NBEAL1: variants seen among roughly 807,000 people sequenced by gnomAD.
NBEAL1 encodes neurobeachin like 1.
A neutral mutation model predicts 351.3 loss-of-function variants in NBEAL1; 273 were observed. The ratio of observed to expected loss-of-function variants is 0.78; its 90% CI spans 0.70 to 0.86. The LOEUF is 0.86. NBEAL1 is among the 40% of genes least tolerant of loss of function. NBEAL1 has a pLI of 0.00. For missense variants in NBEAL1, 2,961 were observed against 3,201.3 expected (o/e 0.92, Z 1.81); for synonymous variants, 1,050 against 1,086.4 (o/e 0.97, Z 0.66).
chr2:203,167,792 T>C (rs1048654932), intron 38 of NBEAL1, among the ~76,000 whole-genome samples: 2 of 152,202 alleles, frequency 1.3e-5, no homozygotes, highest in Non-Finnish European at 2.9e-5. Flanking sequence ...TCTCCACCAG[T>C]AGCTGTGTAA....
At chr2:203,167,881 TAC>T (rs1398782488) in intron 38 of NBEAL1, among the ~76,000 whole-genome samples, 1 of 152,192 alleles carries the variant, frequency 6.6e-6, no homozygotes, top group Non-Finnish European at 1.5e-5. Context: ...CAGGTATTAT[TAC>T]AGTTTGACAG....
intron 2 of NBEAL1, among the ~76,000 whole-genome samples, chr2:203,037,821 G>A (rs2061063878): frequency 6.7e-6 from 1 of 148,946 alleles, no homozygotes. Context: ...AAAAAATACA[G>A]CATGATAGCT....
chr2:203,060,445 A>G (rs1171734979), intron 6 of NBEAL1, among the ~76,000 whole-genome samples: 1 of 152,176 alleles, frequency 6.6e-6, no homozygotes, highest in Non-Finnish European at 1.5e-5. Context: ...ATATTAACAA[A>G]AACACATTTT....
chr2:203,176,690 C>T (rs922087755), intron 42 of NBEAL1, among the ~76,000 whole-genome samples: 2 of 150,236 alleles, frequency 1.3e-5, no homozygotes, highest in Non-Finnish European at 3.0e-5. Context: ...TGAGATTGTG[C>T]CACTGCACTC....
chr2:203,198,899 TAAAC>T (rs2065312832), intron 48 of NBEAL1, among the ~76,000 whole-genome samples: 1 of 149,948 alleles, frequency 6.7e-6, no homozygotes, highest in Non-Finnish European at 1.5e-5. Context: ...TACAATAAGA[TAAAC>T]AAGGCCAGGT....
Position 203,037,904 on chromosome 2 carries a change from G to A in NBEAL1, c.52-3861G>A, listed in dbSNP as rs1187044716. Among the ~76,000 whole-genome samples the A allele has an allele frequency of 3.4e-5, 5 of 149,184 alleles. 1 individual carries two copies. The highest frequency in any genetic ancestry group is 6.8e-5 in the Admixed American group (1 of 14,788). On this transcript the variant is annotated intron_variant, in intron 2 of 55. Transcript: ENST00000683969. ...CAGGAGTTTGAGGCCATAGTGAACC[G>A]TGATTGTGCCACTGCACTCCGGCCT...
chr2:203,161,363 G>A (rs2063952975), intron 36 of NBEAL1, among the ~76,000 whole-genome samples: 1 of 150,430 alleles, frequency 6.6e-6, no homozygotes, highest in African/African-American at 2.4e-5. Flanking sequence ...AGGCGTGGTG[G>A]TTCACGCCTG....
chr2:203,167,746 A>G (rs568921259), intron 38 of NBEAL1, among the ~76,000 whole-genome samples: 1 of 152,316 alleles, frequency 6.6e-6, no homozygotes, highest in East Asian at 1.9e-4. Context: ...TTAAGTGCAT[A>G]TGCTCTAAAG....
intron 6 of NBEAL1, chr2:203,061,973 G>A (rs2061507238): frequency 6.8e-6 from 2 of 293,082 alleles, no homozygotes; most frequent in Admixed American, 1.0e-4. Flanking sequence ...TTCCCACATT[G>A]TTTACATTTA....
chr2:203,207,495 A>G (rs578203161), intron 51 of NBEAL1, among the ~76,000 whole-genome samples: 5 of 152,362 alleles, frequency 3.3e-5, no homozygotes, highest in African/African-American at 7.2e-5. Flanking sequence ...GAAAAGATTG[A>G]GAAATCGGAT....
At chr2:203,050,357 G>GT (rs1225517508) in intron 4 of NBEAL1, among the ~76,000 whole-genome samples, 3 of 152,112 alleles carry the variant, frequency 2.0e-5, no homozygotes, top group Non-Finnish European at 2.9e-5. Flanking sequence ...GCTTTAAAGA[G>GT]TAAGTGCACT....
chr2:203,178,533 T>C (rs1238145532), intron 42 of NBEAL1, among the ~76,000 whole-genome samples: 1 of 152,144 alleles, frequency 6.6e-6, no homozygotes, highest in Non-Finnish European at 1.5e-5. Flanking sequence ...AAATGAATAA[T>C]GTGATATATC....
chr2:203,121,097 GT>G (rs1030485598), intron 18 of NBEAL1, among the ~76,000 whole-genome samples: 46 of 152,182 alleles, frequency 3.0e-4, no homozygotes, highest in African/African-American at 1.0e-3. Context: ...TGTTTCTAAA[GT>G]TACAGACTAA....
chr2:203,090,616 C>T (rs567502749), intron 10 of NBEAL1, among the ~76,000 whole-genome samples: 8 of 152,248 alleles, frequency 5.3e-5, no homozygotes, highest in East Asian at 3.9e-4. Flanking sequence ...GGGCCAGGCA[C>T]GGTGGCTCAT....
In NBEAL1 at chr2:203,041,804, G is replaced by C; in HGVS notation, c.91G>C (p.Val31Leu). 1.3e-6 allele frequency: 2 copies of C among 1,553,962 alleles called. No individual in the cohort carries two copies. The highest frequency in any genetic ancestry group is 1.7e-6 in the Non-Finnish European group (2 of 1,147,550). The change falls in exon 3 of 56, where the codon GTT becomes CTT. Residue 31 changes from valine (V) to leucine (L), a missense_variant. Physicochemically the swap from Val to Leu is conservative, Grantham distance 32. Coordinates refer to ENST00000683969, the MANE Select transcript of NBEAL1 (RefSeq NM_001378026.1). Reference protein sequence around the residue: ...DYLKLWLDTFVSSYEQFLDVD... With the variant: ...DYLKLWLDTFLSSYEQFLDVD... ...CCTGAAGCTGTGGTTGGACACTTTTGTTTCTAGCTATGAACAATTTTTAGA... is the reference window on the plus strand; with the variant it reads ...CCTGAAGCTGTGGTTGGACACTTTTCTTTCTAGCTATGAACAATTTTTAGA...
intron 47 of NBEAL1, among the ~76,000 whole-genome samples, chr2:203,194,856 A>G (rs1018150467): frequency 2.6e-5 from 4 of 152,164 alleles, no homozygotes; most frequent in African/African-American, 9.7e-5. Flanking sequence ...ATCAAAAAAT[A>G]TAATTTTTTG....
At chr2:203,066,323 CTTTT>C (rs35459326) in intron 6 of NBEAL1, among the ~76,000 whole-genome samples, 5 of 139,982 alleles carry the variant, frequency 3.6e-5, no homozygotes, top group African/African-American at 7.9e-5. Flanking sequence ...AAATTTTATC[CTTTT>C]TTTTTTTTTT....
At position 203,122,241 on chromosome 2, in the gene NBEAL1, C is replaced by T; in HGVS notation, c.2593-13C>T. 1 of 1,468,208 alleles carries T rather than the reference C, an allele frequency of 6.8e-7. No individual in the cohort carries two copies. The highest frequency in any genetic ancestry group is 2.5e-5 in the East Asian group (1 of 39,398). The allele number at this position is 1,468,208 out of a possible 1,614,324, so 90.9% of individuals were successfully genotyped here. The stretch of plus-strand genomic sequence containing the variant: ...CTAATTGGTTGTTTGCCATATTTTT[C>T]TTTTATTCTTAGGCCTGCAAAAATT... On this transcript the variant is annotated splice_polypyrimidine_tract_variant and intron_variant, in intron 18 of 55. Coordinates refer to ENST00000683969, the MANE Select transcript of NBEAL1 (RefSeq NM_001378026.1).
chr2:203,155,653 G>T (rs963359384), intron 35 of NBEAL1, among the ~76,000 whole-genome samples: 1 of 151,892 alleles, frequency 6.6e-6, no homozygotes, highest in African/African-American at 2.4e-5. Flanking sequence ...GCCCTCTGTT[G>T]CCCAGGTTGG....
Sources: allele counts gnomAD v4.1 joint callset (sites outside exome capture counted in the v4.1 genomes callset), GRCh38; gene constraint gnomAD v4.1.1; transcripts MANE v1.5; gene names NCBI Gene and HGNC (gene_info 2026-07-23, HGNC 2026-07-21).